The following GRAMD2A variants were observed in gnomAD, a reference collection of about 807,000 sequenced individuals.
GRAMD2A encodes GRAM domain containing 2A.
A neutral mutation model predicts 51.1 loss-of-function variants in GRAMD2A; 37 were observed. The ratio of observed to expected loss-of-function variants is 0.72; its 90% CI spans 0.56 to 0.95. The LOEUF (loss-of-function observed/expected upper bound fraction) is 0.95, where lower values mean the gene tolerates loss of function less well. GRAMD2A is among the 40% of genes least tolerant of loss of function. The pLI, the probability that GRAMD2A is intolerant of heterozygous loss-of-function variation, is 0.00. For missense variants in GRAMD2A, 414 were observed against 426.9 expected, an observed-to-expected ratio of 0.97 and a Z score of 0.27; for synonymous variants, 136 against 157.1, an observed-to-expected ratio of 0.87 and a Z score of 1.01.
chr15:72,179,406 G>A (rs2081680355), intron 1 of GRAMD2A, among the ~76,000 whole-genome samples: 1 of 152,218 alleles, frequency 6.6e-6, no homozygotes, highest in African/African-American at 2.4e-5. Flanking sequence ...GAGGGAACAG[G>A]CGAGAGAGAG....
chr15:72,177,505 C>A (rs1017957822), intron 1 of GRAMD2A, among the ~76,000 whole-genome samples: 2 of 152,186 alleles, frequency 1.3e-5, no homozygotes, highest in African/African-American at 4.8e-5. Context: ...CATACATACT[C>A]GTGTATGTGT....
At chr15:72,184,132 G>T (rs28478343) in intron 1 of GRAMD2A, among the ~76,000 whole-genome samples, 2,018 of 152,364 alleles carry the variant, frequency 0.013, 28 homozygotes, top group African/African-American at 0.022. Context: ...TGCAGTCGGG[G>T]AGGGAGAGGG....
Position 72,166,741 on chromosome 15 carries a change from G to T in GRAMD2A, c.472-38C>A. 1 of 1,551,446 alleles carries T rather than the reference G, an allele frequency of 6.4e-7. No individual in the cohort carries two copies. ...AAGAAAACAGACAGGGGTAGGGTGA[G>T]ATGAGACTCCTTGCTGTGCCAGCCA... On this transcript the variant is annotated intron_variant, in intron 6 of 11. Coordinates refer to ENST00000309731, the MANE Select transcript of GRAMD2A (RefSeq NM_001012642.3). The surrounding 1 kb of genome is among the most constrained non-coding windows in gnomAD (Gnocchi z 4.1).
Position 72,167,095 on chromosome 15 carries a change from G to C in GRAMD2A, c.373-3C>G. 6.2e-7 allele frequency: 1 copy of C among 1,601,086 alleles called. No homozygotes were observed. ...ACAGACACCACAGGAATGACCACCTGAGAGGGAGAGGGATGCTTCTCTCAG... is the reference window on the plus strand; with the variant it reads ...ACAGACACCACAGGAATGACCACCTCAGAGGGAGAGGGATGCTTCTCTCAG... On this transcript the variant is annotated splice_region_variant and splice_polypyrimidine_tract_variant and intron_variant, in intron 5 of 11. Coordinates refer to ENST00000309731, the MANE Select transcript of GRAMD2A (RefSeq NM_001012642.3).
In GRAMD2A at chr15:72,165,396, C is replaced by G; in HGVS notation, c.558G>C (p.Lys186Asn). The change falls in exon 8 of 12, where the codon AAG becomes AAC. Residue 186 changes from lysine (K) to asparagine (N), a missense_variant. Physicochemically the swap from Lys to Asn is moderately conservative, Grantham distance 94 (BLOSUM62 0). Coordinates refer to ENST00000309731, the MANE Select transcript of GRAMD2A (RefSeq NM_001012642.3). ...VCTHLQPSSK[K>N]SLSVREFSGE... Reference sequence around the variant, plus strand: ...CTGAAAATTCTCTTACACTCAGACTCTTCTTGCTGGAAGGCTGAGGAGGAA... The same window carrying G: ...CTGAAAATTCTCTTACACTCAGACTGTTCTTGCTGGAAGGCTGAGGAGGAA... 1 of 1,614,100 alleles carries G rather than the reference C, an allele frequency of 6.2e-7. No homozygotes were observed. The highest frequency in any genetic ancestry group is 8.5e-7 in the Non-Finnish European group (1 of 1,180,012).
intron 1 of GRAMD2A, among the ~76,000 whole-genome samples, chr15:72,191,215 T>C (rs2081765672): frequency 6.6e-6 from 1 of 152,098 alleles, no homozygotes; most frequent in African/African-American, 2.4e-5. Context: ...CTTTTTTTTT[T>C]TTAAATGGAG....
At chr15:72,194,960 T>C (rs2081794269) in intron 1 of GRAMD2A, among the ~76,000 whole-genome samples, 1 of 152,152 alleles carries the variant, frequency 6.6e-6, no homozygotes, top group African/African-American at 2.4e-5. Context: ...AGTGCTGGGA[T>C]TAGAGGTGTG....
At chr15:72,173,508 T>A (rs559358154) in intron 1 of GRAMD2A, 3 of 152,184 alleles carry the variant, frequency 2.0e-5, no homozygotes, top group Non-Finnish European at 4.4e-5. Flanking sequence ...TGGTCCTTCA[T>A]TGAATCCCCT....
chr15:72,164,325 A>G (rs1003028709), intron 8 of GRAMD2A, among the ~76,000 whole-genome samples: 1 of 152,114 alleles, frequency 6.6e-6, no homozygotes, highest in Admixed American at 6.6e-5. Flanking sequence ...GCCAAAGGAA[A>G]CTTCTGGAAC....
intron 1 of GRAMD2A, among the ~76,000 whole-genome samples, chr15:72,193,319 C>T (rs560828026): frequency 1.8e-4 from 27 of 150,164 alleles, no homozygotes; most frequent in East Asian, 1.0e-3. Flanking sequence ...CGGGTTCAAG[C>T]GATTTTCCTG....
intron 10 of GRAMD2A, chr15:72,162,896 A>T: frequency 4.2e-6 from 1 of 238,046 alleles, no homozygotes; most frequent in Non-Finnish European, 8.2e-6. Context: ...AGGTAGAGAC[A>T]AGTCAGGGGT....
intron 1 of GRAMD2A, among the ~76,000 whole-genome samples, chr15:72,185,735 T>A (rs1313306923): frequency 6.6e-6 from 1 of 152,080 alleles, no homozygotes; most frequent in African/African-American, 2.4e-5. Flanking sequence ...GTCCAGAAAA[T>A]GACCTATGAG....
chr15:72,167,192 A>G (rs2081556121), intron 5 of GRAMD2A, 100 bp from the exon 6 acceptor site: 2 of 857,998 alleles, frequency 2.3e-6, no homozygotes, highest in Admixed American at 3.7e-5. Flanking sequence ...CATGGCCACC[A>G]TGGGGAAGCC....
intron 1 of GRAMD2A, among the ~76,000 whole-genome samples, chr15:72,176,725 C>T (rs567782316): frequency 3.9e-5 from 6 of 152,266 alleles, no homozygotes; most frequent in African/African-American, 1.4e-4. Context: ...TGCTCCAGAT[C>T]CCCCGACAAG....
At position 72,170,192 on chromosome 15, in the gene GRAMD2A, G is replaced by C; in HGVS notation, c.42-253C>G. ...GTTCTGCTTATGCCTAGGCTGGGAG[G>C]AAAATCAACCTGTCTACCTCATCTC... On this transcript the variant is annotated intron_variant, in intron 1 of 11. Coordinates refer to ENST00000309731, the MANE Select transcript of GRAMD2A (RefSeq NM_001012642.3). This position sits in a 1 kb window ranked among gnomAD's most constrained non-coding sequence, Gnocchi z 4.5. The C allele has an allele frequency of 1.6e-6, 1 of 614,608 alleles. No individual in the cohort carries two copies. The highest frequency in any genetic ancestry group is 3.0e-6 in the Non-Finnish European group (1 of 329,360). 38.1% of individuals were successfully genotyped at this position (614,608 alleles called of 1,614,324 possible).
At chr15:72,181,287 G>T (rs2081695880) in intron 1 of GRAMD2A, among the ~76,000 whole-genome samples, 1 of 152,254 alleles carries the variant, frequency 6.6e-6, no homozygotes, top group Non-Finnish European at 1.5e-5. Context: ...CCAATGTAGA[G>T]ATTTAAACAG....
Position 72,170,215 on chromosome 15 carries a change from C to T in GRAMD2A, c.42-276G>A, listed in dbSNP as rs1366186478. 1 of 572,158 alleles carries T rather than the reference C, an allele frequency of 1.7e-6. No homozygotes were observed. The highest frequency in any genetic ancestry group is 4.1e-5 in the East Asian group (1 of 24,602). 35.4% of individuals were successfully genotyped at this position (572,158 alleles called of 1,614,324 possible). A position where few individuals can be genotyped will look rare whatever the true frequency, so the allele number is the denominator to read the frequency against. On this transcript the variant is annotated intron_variant, in intron 1 of 11. Transcript: ENST00000309731. This position sits in a 1 kb window ranked among gnomAD's most constrained non-coding sequence, Gnocchi z 4.5. ...AGGAAAATCAACCTGTCTACCTCATCTCCAGTGCCAGGCAGCTCGTAGGCC... is the reference window on the plus strand; with the variant it reads ...AGGAAAATCAACCTGTCTACCTCATTTCCAGTGCCAGGCAGCTCGTAGGCC...
intron 1 of GRAMD2A, among the ~76,000 whole-genome samples, chr15:72,194,979 C>T (rs1005316906): frequency 2.6e-5 from 4 of 152,224 alleles, no homozygotes; most frequent in African/African-American, 9.6e-5. Flanking sequence ...TGAGCCGCCG[C>T]GCCCGGCTCA....
intron 1 of GRAMD2A, among the ~76,000 whole-genome samples, chr15:72,185,333 A>G (rs916965576): frequency 2.4e-4 from 37 of 152,038 alleles, no homozygotes; most frequent in African/African-American, 8.7e-4. Context: ...AGCTAGGACT[A>G]CAGGCACGTG....
Sources: gnomAD v4.1 joint callset for allele counts (sites outside exome capture counted in the v4.1 genomes callset) on GRCh38, gnomAD v4.1.1 for gene constraint, Gnocchi (gnomAD v3.1) non-coding constraint, MANE v1.5 for transcripts, NCBI Gene and HGNC (gene_info 2026-07-23, HGNC 2026-07-21) for gene names.